Variants in MALRD1 observed in about 807,000 individuals in gnomAD.
MALRD1 encodes the protein MAM and LDL-receptor class A domain-containing protein 1.
MALRD1 carries 247 observed loss-of-function variants against 242.1 expected under a neutral mutation model. The ratio of observed to expected loss-of-function variants is 1.02; its 90% CI spans 0.92 to 1.13. MALRD1 has a LOEUF of 1.13. Among genes scored for constraint, MALRD1 ranks in the 50% most tolerant of loss-of-function variants. The probability of loss-of-function intolerance (pLI) is 0.00; values close to 1 mark genes in which losing one functional copy is unlikely to be tolerated. For synonymous variants in MALRD1, 995 were observed against 866.6 expected, an observed-to-expected ratio of 1.15 and a Z score of -2.60; for missense variants, 2,989 against 2,533.1, an observed-to-expected ratio of 1.18 and a Z score of -3.86.
intron 38 of MALRD1, among the ~76,000 whole-genome samples, chr10:19,700,345 A>C (rs1161808979): frequency 2.0e-5 from 3 of 152,090 alleles, no homozygotes; most frequent in Admixed American, 2.0e-4. Flanking sequence ...ACCTGCCATG[A>C]GGAAAGGGTA....
At chr10:19,224,624 G>T (rs191243829) in intron 18 of MALRD1, among the ~76,000 whole-genome samples, 7 of 152,180 alleles carry the variant, frequency 4.6e-5, no homozygotes, top group East Asian at 1.9e-4. Flanking sequence ...TTTATTGGCC[G>T]CATAAATGTC....
chr10:19,516,037 T>G (rs1261210022), intron 31 of MALRD1, among the ~76,000 whole-genome samples: 1 of 152,226 alleles, frequency 6.6e-6, no homozygotes, highest in African/African-American at 2.4e-5. Context: ...TTAAGTTATT[T>G]TCATTGCTGA....
chr10:19,070,822 A>G (rs1261419607), intron 2 of MALRD1, among the ~76,000 whole-genome samples: 3 of 141,748 alleles, frequency 2.1e-5, no homozygotes, highest in African/African-American at 7.8e-5. Context: ...AGTTGCATAG[A>G]CTCAAATGAC....
At chr10:19,130,735 A>G (rs574399863) in intron 8 of MALRD1, among the ~76,000 whole-genome samples, 22 of 152,250 alleles carry the variant, frequency 1.4e-4, no homozygotes, top group Non-Finnish European at 3.1e-4. Context: ...TGTATTTAGT[A>G]TGTATGTAAT....
chr10:19,594,350 C>T (rs1311173374), intron 33 of MALRD1, among the ~76,000 whole-genome samples: 3 of 152,006 alleles, frequency 2.0e-5, no homozygotes, highest in East Asian at 1.9e-4. Context: ...GAAGTTGGTG[C>T]GGATGTGGTG....
chr10:19,353,987 A>G (rs979011095), intron 26 of MALRD1, among the ~76,000 whole-genome samples: 12 of 152,042 alleles, frequency 7.9e-5, no homozygotes, highest in Non-Finnish European at 1.6e-4. Flanking sequence ...TCAGCCTCCC[A>G]AAGTCCTAGG....
chr10:19,368,895 G>T (rs201527941), intron 26 of MALRD1, among the ~76,000 whole-genome samples: 6 of 100,620 alleles, frequency 6.0e-5, no homozygotes, highest in African/African-American at 2.4e-4. Flanking sequence ...GTGTGTTTGT[G>T]TGTGTGTGTG....
At chr10:19,472,614 C>A (rs1021040128) in intron 29 of MALRD1, among the ~76,000 whole-genome samples, 1 of 151,874 alleles carries the variant, frequency 6.6e-6, no homozygotes, top group Non-Finnish European at 1.5e-5. Flanking sequence ...TCTCTTTCTT[C>A]ATGATTCAGT....
At chr10:19,491,745 T>G (rs961387924) in intron 30 of MALRD1, 100 bp downstream of exon 30, 9 of 1,304,038 alleles carry the variant, frequency 6.9e-6, no homozygotes, top group Non-Finnish European at 8.3e-6. Flanking sequence ...GAAATATTAT[T>G]TTCATGCACT....
chr10:19,359,236 A>G (rs557940195), intron 26 of MALRD1, among the ~76,000 whole-genome samples: 29 of 152,280 alleles, frequency 1.9e-4, no homozygotes, highest in African/African-American at 6.0e-4. Context: ...TGTTTTCCCA[A>G]TAAAACACTT....
chr10:19,620,434 G>T (rs1298926044), intron 36 of MALRD1, among the ~76,000 whole-genome samples: 2 of 151,942 alleles, frequency 1.3e-5, no homozygotes, highest in Non-Finnish European at 2.9e-5. Context: ...TAGGTATTTT[G>T]TATTGAAAGA....
At chr10:19,658,441 G>T (rs1287521071) in intron 36 of MALRD1, among the ~76,000 whole-genome samples, 1 of 152,084 alleles carries the variant, frequency 6.6e-6, no homozygotes, top group Non-Finnish European at 1.5e-5. Flanking sequence ...TTGAAAGAGA[G>T]CAGGAGAGCT....
chr10:19,515,916 A>G (rs1344322051), intron 31 of MALRD1, among the ~76,000 whole-genome samples: 1 of 152,176 alleles, frequency 6.6e-6, no homozygotes, highest in Non-Finnish European at 1.5e-5. Flanking sequence ...TAGTATAAGG[A>G]CATCATTCAC....
At chr10:19,464,774 C>T (rs921270343) in intron 29 of MALRD1, among the ~76,000 whole-genome samples, 1 of 152,098 alleles carries the variant, frequency 6.6e-6, no homozygotes, top group Non-Finnish European at 1.5e-5. Context: ...ATGGGAACTA[C>T]ATTGAATTTG....
intron 21 of MALRD1, among the ~76,000 whole-genome samples, chr10:19,295,745 G>A (rs1841663509): frequency 6.6e-6 from 1 of 152,126 alleles, no homozygotes; most frequent in Admixed American, 6.6e-5. Context: ...GTTCAACACT[G>A]TAGCCCTAGT....
intron 2 of MALRD1, among the ~76,000 whole-genome samples, chr10:19,082,061 T>C (rs1230038093): frequency 3.3e-5 from 5 of 151,826 alleles, no homozygotes; most frequent in Admixed American, 6.6e-5. Flanking sequence ...TTGCTACTTG[T>C]TTTCTGTATG....
chr10:19,474,137 G>C (rs1836622391), intron 29 of MALRD1, among the ~76,000 whole-genome samples: 1 of 152,038 alleles, frequency 6.6e-6, no homozygotes. Context: ...GTTCTTTGGA[G>C]AAATACCTAC....
chr10:19,293,015 A>AT (rs1224858736), intron 21 of MALRD1, among the ~76,000 whole-genome samples: 5 of 151,930 alleles, frequency 3.3e-5, no homozygotes, highest in Admixed American at 1.3e-4. Context: ...AAATATTATA[A>AT]TTTTTTTCTG....
chr10:19,519,396 TTATTAA>T (rs1833781077), intron 31 of MALRD1, among the ~76,000 whole-genome samples: 1 of 152,170 alleles, frequency 6.6e-6, no homozygotes, highest in Admixed American at 6.5e-5. Context: ...AAATGAACAG[TTATTAA>T]TATTACTAAT....
Sources: allele counts gnomAD v4.1 joint callset (sites outside exome capture counted in the v4.1 genomes callset), GRCh38; gene constraint gnomAD v4.1.1; transcripts MANE v1.5; gene names NCBI Gene and HGNC (gene_info 2026-07-23, HGNC 2026-07-21).